The following CTNNA3 variants were observed in gnomAD, a reference collection of about 807,000 sequenced individuals.
CTNNA3 encodes the protein catenin alpha-3.
In CTNNA3, 76 loss-of-function variants were observed where a neutral mutation model predicts 95.7. That is an observed-to-expected ratio of 0.79 (90% CI 0.66 to 0.96). The LOEUF is 0.96. Among genes scored for constraint, CTNNA3 ranks in the 40% least tolerant of loss-of-function variants. The probability of loss-of-function intolerance (pLI) is 0.00; values close to 1 mark genes in which losing one functional copy is unlikely to be tolerated. For missense variants in CTNNA3, 1,191 were observed against 1,089.8 expected (o/e 1.09, Z -1.31); for synonymous variants, 431 against 374.4 (o/e 1.15, Z -1.74).
At chr10:67,455,714 T>C (rs1280940972) in intron 5 of CTNNA3, among the ~76,000 whole-genome samples, 2 of 152,132 alleles carry the variant, frequency 1.3e-5, no homozygotes, top group African/African-American at 4.8e-5. Context: ...TAAGGGCCAT[T>C]CTACAAAATG....
intron 5 of CTNNA3, among the ~76,000 whole-genome samples, chr10:67,496,841 C>T (rs1423829225): frequency 1.3e-5 from 2 of 152,082 alleles, no homozygotes; most frequent in African/African-American, 2.4e-5. Flanking sequence ...TAAACACTTA[C>T]TGTTTTCAGA....
chr10:67,332,892 C>T (rs920866211), intron 5 of CTNNA3, among the ~76,000 whole-genome samples: 4 of 152,240 alleles, frequency 2.6e-5, no homozygotes, highest in South Asian at 2.1e-4. Context: ...AGCTATAGCA[C>T]GTGAATGCCC....
intron 7 of CTNNA3, among the ~76,000 whole-genome samples, chr10:66,815,654 C>CA (rs991859173): frequency 4.0e-5 from 6 of 149,926 alleles, no homozygotes; most frequent in African/African-American, 1.5e-4. Context: ...TAAGTTAGGG[C>CA]AAAAAAAAGG....
intron 7 of CTNNA3, among the ~76,000 whole-genome samples, chr10:66,993,472 A>G (rs1851151881): frequency 6.6e-6 from 1 of 152,144 alleles, no homozygotes; most frequent in South Asian, 2.1e-4. Context: ...GGAAATAACA[A>G]TCTATTGCAT....
intron 13 of CTNNA3, among the ~76,000 whole-genome samples, chr10:66,199,168 A>G (rs1286282173): frequency 6.6e-6 from 1 of 152,078 alleles, no homozygotes; most frequent in East Asian, 1.9e-4. Context: ...TTCTCGGAGG[A>G]GGCTGGATTC....
chr10:66,388,675 A>G (rs966103317), intron 11 of CTNNA3, among the ~76,000 whole-genome samples: 10 of 127,424 alleles, frequency 7.8e-5, no homozygotes, highest in Middle Eastern at 4.0e-3. Flanking sequence ...TGAAAAAATT[A>G]TAAATAAAAT....
chr10:67,079,914 T>G (rs866878145), intron 7 of CTNNA3, among the ~76,000 whole-genome samples: 1 of 141,304 alleles, frequency 7.1e-6, no homozygotes, highest in African/African-American at 2.6e-5. Context: ...CACACAAAGA[T>G]AGTCACTAAC....
At chr10:67,195,845 C>T (rs1863341781) in intron 6 of CTNNA3, among the ~76,000 whole-genome samples, 1 of 152,068 alleles carries the variant, frequency 6.6e-6, no homozygotes, top group Admixed American at 6.6e-5. Flanking sequence ...GGAATAAATG[C>T]TATTCATCAT....
intron 7 of CTNNA3, among the ~76,000 whole-genome samples, chr10:67,067,398 C>T (rs1237838315): frequency 2.0e-5 from 3 of 152,168 alleles, no homozygotes; most frequent in Admixed American, 6.5e-5. Flanking sequence ...CTCGTATTCA[C>T]TTTTTCCCTT....
At chr10:67,706,015 T>C (rs1283363381) in intron 1 of CTNNA3, among the ~76,000 whole-genome samples, 1 of 152,090 alleles carries the variant, frequency 6.6e-6, no homozygotes, top group East Asian at 1.9e-4. Context: ...AAGCAGGTGC[T>C]TTTAAAAGAG....
At chr10:67,019,371 A>G (rs1852851601) in intron 7 of CTNNA3, among the ~76,000 whole-genome samples, 2 of 152,114 alleles carry the variant, frequency 1.3e-5, no homozygotes, top group African/African-American at 4.8e-5. Context: ...GGCATGTGCC[A>G]CCACGCCAGG....
chr10:67,190,188 T>A (rs10997561), intron 6 of CTNNA3, among the ~76,000 whole-genome samples: 3 of 151,936 alleles, frequency 2.0e-5, no homozygotes, highest in African/African-American at 7.3e-5. Flanking sequence ...AAGACTGAGA[T>A]CATGGCTCTA....
At chr10:67,016,132 T>C (rs973150554) in intron 7 of CTNNA3, among the ~76,000 whole-genome samples, 1 of 152,182 alleles carries the variant, frequency 6.6e-6, no homozygotes, top group African/African-American at 2.4e-5. Context: ...TTCCTCTCCA[T>C]GTGTGAAACA....
intron 13 of CTNNA3, among the ~76,000 whole-genome samples, chr10:66,213,786 G>A (rs2088330696): frequency 6.6e-6 from 1 of 152,244 alleles, no homozygotes; most frequent in African/African-American, 2.4e-5. Flanking sequence ...ACATTAATGC[G>A]TTTAATGTGT....
chr10:67,686,392 T>C (rs890511937), intron 1 of CTNNA3, among the ~76,000 whole-genome samples: 1 of 152,202 alleles, frequency 6.6e-6, no homozygotes, highest in South Asian at 2.1e-4. Flanking sequence ...TAAGAGATCA[T>C]CTTGGGTGGC....
rs542570852 is a variant in CTNNA3, at chr10:67,182,271, C to T, written c.844-1751G>A. Reference sequence around the variant, plus strand: ...CAAAAGAATAAAGCTGGAGGCATCACGCTACCTGACTTTAAACTACACCAC... The same window carrying T: ...CAAAAGAATAAAGCTGGAGGCATCATGCTACCTGACTTTAAACTACACCAC... On this transcript the variant is annotated intron_variant, in intron 6 of 17. Transcript: ENST00000433211. Among the ~76,000 whole-genome samples, 154 of 152,228 alleles carry T rather than the reference C, an allele frequency of 1.0e-3. 1 individual carries two copies. Among genetic ancestry groups the T allele is most frequent in the African/African-American group, 2.9e-3 (119 of 41,526 alleles).
At chr10:67,400,375 G>A (rs189542816) in intron 5 of CTNNA3, among the ~76,000 whole-genome samples, 162 of 152,222 alleles carry the variant, frequency 1.1e-3, no homozygotes, top group Middle Eastern at 6.8e-3. Flanking sequence ...GATGTATTAT[G>A]AAATAAGAAA....
intron 7 of CTNNA3, among the ~76,000 whole-genome samples, chr10:66,781,521 G>T (rs1400396320): frequency 6.6e-6 from 1 of 152,100 alleles, no homozygotes; most frequent in Non-Finnish European, 1.5e-5. Flanking sequence ...ACACCTGATG[G>T]GGCATGCTAA....
intron 9 of CTNNA3, among the ~76,000 whole-genome samples, chr10:66,669,041 T>G (rs1401969593): frequency 6.6e-6 from 1 of 152,142 alleles, no homozygotes; most frequent in Non-Finnish European, 1.5e-5. Flanking sequence ...TCCAATATTC[T>G]AAATCTCTAA....
Sources: gnomAD v4.1 joint callset for allele counts (sites outside exome capture counted in the v4.1 genomes callset) on GRCh38, gnomAD v4.1.1 for gene constraint, MANE v1.5 for transcripts, NCBI Gene and HGNC (gene_info 2026-07-23, HGNC 2026-07-21) for gene names.